The following HNF4G variants were observed in gnomAD, a reference collection of about 807,000 sequenced individuals.
HNF4G encodes hepatocyte nuclear factor 4 gamma.
A neutral mutation model predicts 50.9 loss-of-function variants in HNF4G; 21 were observed. The observed-to-expected ratio is 0.41, with a 90% CI of 0.29 to 0.59. HNF4G has a LOEUF of 0.59. Ranked by LOEUF, HNF4G falls within the 20% of genes least tolerant of loss-of-function variation. The pLI, the probability that HNF4G is intolerant of heterozygous loss-of-function variation, is 0.26. For synonymous variants in HNF4G, 198 were observed against 185.6 expected (o/e 1.07, Z -0.54); for missense variants, 527 against 559.4 (o/e 0.94, Z 0.58).
At position 75,543,982 on chromosome 8, in the gene HNF4G, A is replaced by G; in HGVS notation, c.287+3A>G. The G allele has an allele frequency of 6.4e-7, 1 of 1,565,852 alleles. No individual in the cohort carries two copies. ...AAGAGTCACGTTTATTCTTGCAGGT[A>G]CTTTAAATGCCCTTTTAGGCAAGTT... On this transcript the variant is annotated splice_donor_region_variant and intron_variant, in intron 2 of 9. Coordinates refer to ENST00000396423, the MANE Select transcript of HNF4G (RefSeq NM_004133.5).
chr8:75,421,822 G>A (rs535392122), intron 1 of HNF4G, among the ~76,000 whole-genome samples: 1 of 152,226 alleles, frequency 6.6e-6, no homozygotes, highest in African/African-American at 2.4e-5. Flanking sequence ...AGACCATCTC[G>A]TCTCTCCACA....
intron 1 of HNF4G, among the ~76,000 whole-genome samples, chr8:75,411,433 A>G (rs751367060): frequency 1.3e-5 from 2 of 152,242 alleles, no homozygotes; most frequent in South Asian, 2.1e-4. Context: ...TTGTAACTCA[A>G]TACTATTTAC....
intron 2 of HNF4G, among the ~76,000 whole-genome samples, chr8:75,504,599 C>T (rs1024033124): frequency 2.0e-5 from 3 of 152,062 alleles, no homozygotes; most frequent in African/African-American, 7.2e-5. Context: ...ATGTCATTTA[C>T]AAAAAGCTCA....
chr8:75,415,487 A>C (rs913583632), intron 1 of HNF4G, among the ~76,000 whole-genome samples: 48 of 152,348 alleles, frequency 3.2e-4, no homozygotes, highest in African/African-American at 1.2e-3. Context: ...GTTTTCAAAA[A>C]TAAAGAGTAG....
At chr8:75,485,286 G>T (rs930160654) in intron 1 of HNF4G, among the ~76,000 whole-genome samples, 2 of 152,226 alleles carry the variant, frequency 1.3e-5, no homozygotes, top group South Asian at 4.1e-4. Context: ...TTGGAGCTAG[G>T]TTTCAAGTGT....
intron 2 of HNF4G, among the ~76,000 whole-genome samples, chr8:75,546,153 A>G (rs1156412087): frequency 1.3e-5 from 2 of 152,174 alleles, no homozygotes; most frequent in Non-Finnish European, 2.9e-5. Flanking sequence ...ATCAATATGT[A>G]TGGATAATTT....
chr8:75,472,379 T>C (rs1453718003), intron 1 of HNF4G, among the ~76,000 whole-genome samples: 2 of 152,178 alleles, frequency 1.3e-5, no homozygotes, highest in African/African-American at 2.4e-5. Context: ...GAAATCTCCA[T>C]TGAATCCTGT....
chr8:75,485,936 G>A (rs1159317086), intron 1 of HNF4G: 1 of 152,182 alleles, frequency 6.6e-6, no homozygotes, highest in African/African-American at 2.4e-5. Context: ...AGTCTTTGGA[G>A]TTAAGTCATA....
At chr8:75,540,701 G>GT (rs1806593099) in intron 1 of HNF4G, among the ~76,000 whole-genome samples, 1 of 152,040 alleles carries the variant, frequency 6.6e-6, no homozygotes, top group Non-Finnish European at 1.5e-5. Context: ...TAAGACATGA[G>GT]TTTTTTAGGG....
intron 2 of HNF4G, among the ~76,000 whole-genome samples, chr8:75,527,956 G>C (rs1388558893): frequency 2.0e-5 from 3 of 152,138 alleles, no homozygotes; most frequent in Admixed American, 6.6e-5. Context: ...GAAATCAATT[G>C]ACTCTTCTAC....
intron 2 of HNF4G, among the ~76,000 whole-genome samples, chr8:75,521,273 C>A (rs1441450431): frequency 3.3e-5 from 5 of 152,110 alleles, no homozygotes; most frequent in Non-Finnish European, 2.9e-5. Flanking sequence ...CGAGCCCAAG[C>A]TAAAATTCCC....
intron 1 of HNF4G, among the ~76,000 whole-genome samples, chr8:75,414,209 T>G (rs1001006943): frequency 6.6e-6 from 1 of 152,178 alleles, no homozygotes; most frequent in Non-Finnish European, 1.5e-5. Flanking sequence ...CGATCTGATT[T>G]CCGTCATTAA....
chr8:75,478,807 T>C (rs1290422496), intron 1 of HNF4G, among the ~76,000 whole-genome samples: 1 of 152,136 alleles, frequency 6.6e-6, no homozygotes, highest in Admixed American at 6.5e-5. Flanking sequence ...CACCACGACT[T>C]CCGCCTCCCG....
chr8:75,486,963 C>T (rs559036160), intron 1 of HNF4G, among the ~76,000 whole-genome samples: 149 of 152,244 alleles, frequency 9.8e-4, no homozygotes, highest in African/African-American at 3.5e-3. Context: ...CATGATCACA[C>T]CACTTGCACT....
chr8:75,468,693 CAA>C (rs375188506), intron 1 of HNF4G, among the ~76,000 whole-genome samples: 2 of 142,954 alleles, frequency 1.4e-5, no homozygotes, highest in African/African-American at 2.6e-5. Context: ...GACTCCATCT[CAA>C]AAAAAAAAAA....
intron 2 of HNF4G, among the ~76,000 whole-genome samples, chr8:75,504,055 C>G (rs572946982): frequency 9.2e-5 from 14 of 152,122 alleles, no homozygotes; most frequent in African/African-American, 3.1e-4. Context: ...AACCCTGTCT[C>G]TACTAAAAAC....
At chr8:75,512,297 GAAT>G (rs1381529448) in intron 2 of HNF4G, among the ~76,000 whole-genome samples, 1 of 151,656 alleles carries the variant, frequency 6.6e-6, no homozygotes, top group Non-Finnish European at 1.5e-5. Flanking sequence ...TGCCTTTAAT[GAAT>G]AATTATTAAT....
intron 2 of HNF4G, among the ~76,000 whole-genome samples, chr8:75,521,159 T>C (rs954871578): frequency 6.6e-6 from 1 of 152,184 alleles, no homozygotes; most frequent in Non-Finnish European, 1.5e-5. Context: ...AAACAACATG[T>C]ATTTGGAGAT....
chr8:75,552,464 C>G (rs570412707), intron 4 of HNF4G, among the ~76,000 whole-genome samples: 1 of 152,084 alleles, frequency 6.6e-6, no homozygotes, highest in South Asian at 2.1e-4. Context: ...TACAAATTTA[C>G]AAATCTTACA....
Sources: allele counts gnomAD v4.1 joint callset (sites outside exome capture counted in the v4.1 genomes callset), GRCh38; gene constraint gnomAD v4.1.1; transcripts MANE v1.5; gene names NCBI Gene and HGNC (gene_info 2026-07-23, HGNC 2026-07-21).